Variants in RUNDC3B observed in about 807,000 individuals in gnomAD.
RUNDC3B encodes the protein RUN domain containing 3B.
A neutral mutation model predicts 58.4 loss-of-function variants in RUNDC3B; 33 were observed. The ratio of observed to expected loss-of-function variants is 0.56; its 90% CI spans 0.43 to 0.75. RUNDC3B has a LOEUF of 0.75. Among genes scored for constraint, RUNDC3B ranks in the 30% least tolerant of loss-of-function variants. The pLI is 0.00. For synonymous variants in RUNDC3B, 193 were observed against 195.2 expected, an observed-to-expected ratio of 0.99 and a Z score of 0.10; for missense variants, 501 against 535.7, an observed-to-expected ratio of 0.94 and a Z score of 0.64.
chr7:87,728,248 G>T (rs1026889971), intron 4 of RUNDC3B, among the ~76,000 whole-genome samples: 4 of 151,998 alleles, frequency 2.6e-5, no homozygotes, highest in African/African-American at 9.7e-5. Flanking sequence ...CTCTTCTCCA[G>T]ACCTTCTTCT....
intron 4 of RUNDC3B, among the ~76,000 whole-genome samples, chr7:87,734,583 C>T (rs952706036): frequency 1.3e-4 from 20 of 152,138 alleles, no homozygotes; most frequent in Admixed American, 5.9e-4. Context: ...TTCCCCTCTA[C>T]CAATGCTAAT....
At chr7:87,773,322 C>CAAAAAA (rs760846940) in intron 7 of RUNDC3B, among the ~76,000 whole-genome samples, 24 of 58,158 alleles carry the variant, frequency 4.1e-4, no homozygotes, top group African/African-American at 1.5e-3. Flanking sequence ...GACTCCGTCT[C>CAAAAAA]AAAAAAAAAA....
chr7:87,669,687 G>A (rs1825640692), intron 2 of RUNDC3B, among the ~76,000 whole-genome samples: 1 of 152,176 alleles, frequency 6.6e-6, no homozygotes, highest in African/African-American at 2.4e-5. Flanking sequence ...TCCCTCAAGA[G>A]TTGTTTATCT....
At chr7:87,651,777 TAA>T (rs1314075806) in intron 2 of RUNDC3B, among the ~76,000 whole-genome samples, 3 of 152,118 alleles carry the variant, frequency 2.0e-5, no homozygotes, top group Non-Finnish European at 4.4e-5. Flanking sequence ...GGTTTTAATA[TAA>T]GTGTTTAAAT....
chr7:87,657,516 C>T (rs143014529), intron 2 of RUNDC3B, among the ~76,000 whole-genome samples: 2,058 of 152,284 alleles, frequency 0.014, 32 homozygotes, highest in Non-Finnish European at 0.02. Context: ...AGGGTTGTAT[C>T]AGAGAAGGCC....
chr7:87,655,576 T>C (rs1428943587), intron 2 of RUNDC3B, among the ~76,000 whole-genome samples: 1 of 152,040 alleles, frequency 6.6e-6, no homozygotes, highest in Non-Finnish European at 1.5e-5. Flanking sequence ...AGGAGAGGGA[T>C]CAGAGAGATG....
At chr7:87,634,470 ACAGT>A (rs1177472743) in intron 1 of RUNDC3B, among the ~76,000 whole-genome samples, 4 of 83,864 alleles carry the variant, frequency 4.8e-5, no homozygotes, top group South Asian at 5.1e-4. Flanking sequence ...AAAAATACAA[ACAGT>A]CAGGCGTGGT....
chr7:87,807,561 T>G lies in RUNDC3B; in HGVS notation c.1103+42T>G, dbSNP rs777965535. 327 of 1,451,650 alleles carry G rather than the reference T, an allele frequency of 2.3e-4. 2 individuals are homozygous for G. The highest frequency in any genetic ancestry group is 1.7e-5 in the Non-Finnish European group (18 of 1,033,552). The allele number at this position is 1,451,650 out of a possible 1,614,324, so 89.9% of individuals were successfully genotyped here. A position where few individuals can be genotyped will look rare whatever the true frequency, so the allele number is the denominator to read the frequency against. On this transcript the variant is annotated intron_variant, in intron 9 of 10. Coordinates refer to ENST00000394654, the MANE Select transcript of RUNDC3B (RefSeq NM_001134405.2). ...TTTTTCCAACTAATTAATAGTTAGTTGTACCAAAACATATGGCTATCTACT... is the reference window on the plus strand; with the variant it reads ...TTTTTCCAACTAATTAATAGTTAGTGGTACCAAAACATATGGCTATCTACT...
At chr7:87,773,992 G>A (rs974145865) in intron 7 of RUNDC3B, among the ~76,000 whole-genome samples, 7 of 151,828 alleles carry the variant, frequency 4.6e-5, no homozygotes, top group African/African-American at 7.3e-5. Context: ...TTTTTATGGA[G>A]CACACTAGGT....
chr7:87,758,584 G>A (rs1422839934), intron 6 of RUNDC3B, among the ~76,000 whole-genome samples: 1 of 152,074 alleles, frequency 6.6e-6, no homozygotes, highest in Non-Finnish European at 1.5e-5. Context: ...CATCTGACAA[G>A]GGATTAATAA....
Position 87,628,580 on chromosome 7 carries a change from CGTGCGTGTGTGTGTGT to C in RUNDC3B, c.-240_-225del. 2.4e-5 allele frequency: 7 copies of C among 292,798 alleles called. No homozygotes were observed. Among genetic ancestry groups the C allele is most frequent in the Non-Finnish European group, 4.0e-5 (7 of 173,268 alleles). 18.1% of individuals were successfully genotyped at this position (292,798 alleles called of 1,614,324 possible). Reference sequence around the variant, plus strand: ...GCGCCGAGGGCGGAGGTGGTGCGTGCGTGCGTGTGTGTGTGTGTGTGTGTGTGTGTGTGTGTGTGTG... The same window carrying C: ...GCGCCGAGGGCGGAGGTGGTGCGTGCGTGTGTGTGTGTGTGTGTGTGTGTG... On this transcript the variant is annotated 5_prime_UTR_variant, in exon 1 of 11. Transcript: ENST00000394654.
chr7:87,732,079 C>A (rs756913400), intron 4 of RUNDC3B, among the ~76,000 whole-genome samples: 1 of 151,916 alleles, frequency 6.6e-6, no homozygotes, highest in Non-Finnish European at 1.5e-5. Flanking sequence ...GACTACAAGG[C>A]GGTAAAACTA....
chr7:87,674,025 T>A (rs1454388283), intron 2 of RUNDC3B, among the ~76,000 whole-genome samples: 1 of 152,186 alleles, frequency 6.6e-6, no homozygotes, highest in Non-Finnish European at 1.5e-5. Flanking sequence ...TCTGGGGAAC[T>A]GGTACCTGGC....
intron 2 of RUNDC3B, among the ~76,000 whole-genome samples, chr7:87,658,765 A>G (rs1313047272): frequency 6.6e-6 from 1 of 152,240 alleles, no homozygotes; most frequent in Non-Finnish European, 1.5e-5. Flanking sequence ...CAGCAGAATT[A>G]TTCTTCAGCA....
At chr7:87,829,630 TTTA>T (rs1241378424) in intron 10 of RUNDC3B, among the ~76,000 whole-genome samples, 1 of 152,100 alleles carries the variant, frequency 6.6e-6, no homozygotes, top group Non-Finnish European at 1.5e-5. Flanking sequence ...TTTGTTCTTT[TTTA>T]TTAAGATTGC....
chr7:87,816,571 T>C (rs1200984510), intron 10 of RUNDC3B, among the ~76,000 whole-genome samples: 1 of 152,150 alleles, frequency 6.6e-6, no homozygotes, highest in Non-Finnish European at 1.5e-5. Context: ...TATTAACATA[T>C]TGCAGAGAAC....
intron 3 of RUNDC3B, 59 bp downstream of exon 3, chr7:87,700,613 A>G: frequency 6.7e-7 from 1 of 1,502,058 alleles, no homozygotes; most frequent in Non-Finnish European, 9.1e-7. Flanking sequence ...TATTTGGAAT[A>G]GCAGGAAGGT....
chr7:87,635,288 A>G (rs1821652676), intron 1 of RUNDC3B, among the ~76,000 whole-genome samples: 2 of 152,194 alleles, frequency 1.3e-5, no homozygotes, highest in African/African-American at 4.8e-5. Context: ...AGATTCCATC[A>G]GTCTGCACTG....
chr7:87,771,316 A>G (rs943661684), intron 7 of RUNDC3B, among the ~76,000 whole-genome samples: 3 of 152,014 alleles, frequency 2.0e-5, no homozygotes, highest in African/African-American at 7.2e-5. Flanking sequence ...ATATTCAAAA[A>G]ATTAAAAATG....
Sources: allele counts gnomAD v4.1 joint callset (sites outside exome capture counted in the v4.1 genomes callset), GRCh38; gene constraint gnomAD v4.1.1; transcripts MANE v1.5; gene names NCBI Gene and HGNC (gene_info 2026-07-23, HGNC 2026-07-21).